Variants in LHX2 observed in about 807,000 individuals in gnomAD.
LHX2 encodes LIM/homeobox protein Lhx2.
A neutral mutation model predicts 33.0 loss-of-function variants in LHX2; 6 were observed. The observed-to-expected ratio is 0.18, with a 90% CI of 0.10 to 0.36. The LOEUF is 0.36. Among genes scored for constraint, LHX2 ranks in the 10% least tolerant of loss-of-function variants. The pLI, the probability that LHX2 is intolerant of heterozygous loss-of-function variation, is 1.00. For synonymous variants in LHX2, 292 were observed against 253.1 expected, an observed-to-expected ratio of 1.15 and a Z score of -1.46; for missense variants, 442 against 586.2, an observed-to-expected ratio of 0.75 and a Z score of 2.54.
intron 4 of LHX2, among the ~76,000 whole-genome samples, chr9:124,026,278 G>A (rs1357961375): frequency 2.0e-5 from 3 of 152,036 alleles, no homozygotes; most frequent in African/African-American, 7.2e-5. Context: ...CACCAACATG[G>A]TGAAACCCGT....
intron 4 of LHX2, among the ~76,000 whole-genome samples, chr9:124,029,759 C>G (rs934612601): frequency 7.2e-5 from 11 of 152,232 alleles, no homozygotes; most frequent in Admixed American, 3.9e-4. Context: ...GCACAGAGCA[C>G]AGGCTGCTCA....
chr9:124,014,823 AG>A lies in LHX2; in HGVS notation c.324-294del, dbSNP rs1038932712. On this transcript the variant is annotated intron_variant, in intron 2 of 4. Transcript: ENST00000373615. The surrounding 1 kb of genome is among the most constrained non-coding windows in gnomAD (Gnocchi z 4.8). ...TTGGAGGGAGGAGTAAAGGTTGAGGAGGGGGTAAGTGGTAAGTGTCTCCCTC... is the reference window on the plus strand; with the variant it reads ...TTGGAGGGAGGAGTAAAGGTTGAGGAGGGGTAAGTGGTAAGTGTCTCCCTC... Among the ~76,000 whole-genome samples the A allele has an allele frequency of 2.2e-4, 33 of 152,222 alleles. No individual in the cohort carries two copies. The highest frequency in any genetic ancestry group is 5.2e-4 in the Admixed American group (8 of 15,288).
In LHX2 at chr9:124,032,412, C is replaced by T. The variant is rs372674949; in HGVS notation, c.934-8C>T. On this transcript the variant is annotated splice_polypyrimidine_tract_variant and splice_region_variant and intron_variant, in intron 4 of 4. Transcript: ENST00000373615. This position sits in a 1 kb window ranked among gnomAD's most constrained non-coding sequence, Gnocchi z 4.1. ...CGCTCACCAGCCCTTCCCTGTCGTC[C>T]CCCGCAGGTCTGGTTCCAGAACGCC... 8 of 1,574,248 alleles carry T rather than the reference C, an allele frequency of 5.1e-6. No individual in the cohort carries two copies. Among genetic ancestry groups the T allele is most frequent in the Non-Finnish European group, 6.9e-6 (8 of 1,159,448 alleles).
At position 124,012,377 on chromosome 9, in the gene LHX2, A is replaced by G; in HGVS notation, c.29A>G (p.Glu10Gly). The change falls in exon 1 of 5, where the codon GAG becomes GGG. Residue 10 changes from glutamate (E) to glycine (G), a missense_variant. By Grantham distance (98) the Glu-to-Gly change is moderately conservative (BLOSUM62 -2). This residue lies in a region of LHX2 where 97 missense variants were observed against 81.5 expected (regional missense o/e 1.19). Transcript: ENST00000373615. This position sits in a 1 kb window ranked among gnomAD's most constrained non-coding sequence, Gnocchi z 4.3. ...CTGTTCCACAGTCTGTCGGGCCCCG[A>G]GGTGCACGGGGTCATCGACGAGATG... MLFHSLSGP[E>G]VHGVIDEMDR... 6.6e-7 allele frequency: 1 copy of G among 1,526,468 alleles called. No individual in the cohort carries two copies. The highest frequency in any genetic ancestry group is 2.0e-5 in the Admixed American group (1 of 50,232). 94.6% of individuals were successfully genotyped at this position (1,526,468 alleles called of 1,614,324 possible).
At chr9:124,023,440 A>G (rs376704494) in intron 4 of LHX2, among the ~76,000 whole-genome samples, 1 of 152,194 alleles carries the variant, frequency 6.6e-6, no homozygotes, top group Admixed American at 6.5e-5. Context: ...GGGCAGTTCT[A>G]TGAATTAATG....
chr9:124,015,508 T>A lies in LHX2; in HGVS notation c.710T>A (p.Leu237Gln). 2.0e-6 allele frequency: 3 copies of A among 1,466,974 alleles called. No homozygotes were observed. Among genetic ancestry groups the A allele is most frequent in the Non-Finnish European group, 2.7e-6 (3 of 1,109,050 alleles). The allele number at this position is 1,466,974 out of a possible 1,614,324, so 90.9% of individuals were successfully genotyped here. A position where few individuals can be genotyped will look rare whatever the true frequency, so the allele number is the denominator to read the frequency against. The change falls in exon 3 of 5, where the codon CTG becomes CAG. Residue 237 changes from leucine to glutamine, a missense_variant. Coordinates refer to ENST00000373615, the MANE Select transcript of LHX2 (RefSeq NM_004789.4). This position sits in a 1 kb window ranked among gnomAD's most constrained non-coding sequence, Gnocchi z 7.9. Reference sequence around the variant, plus strand: ...AAGAGCCCGGGCCCCGGTGCGGATCTGGCGGCCTACAACGCTGGTGAGTGC... The same window carrying A: ...AAGAGCCCGGGCCCCGGTGCGGATCAGGCGGCCTACAACGCTGGTGAGTGC... ...KRKSPGPGAD[L>Q]AAYNAALSCN...
At position 124,015,799 on chromosome 9, in the gene LHX2, T is replaced by G. The variant is rs1859179565; in HGVS notation, c.727+274T>G. ...TGGAGATGGCTTTTTGGTTTGGGCCTTTGCCCCACTTTGCTAGGCAGGAAG... is the reference window on the plus strand; with the variant it reads ...TGGAGATGGCTTTTTGGTTTGGGCCGTTGCCCCACTTTGCTAGGCAGGAAG... On this transcript the variant is annotated intron_variant, in intron 3 of 4. Transcript: ENST00000373615. The surrounding 1 kb of genome is among the most constrained non-coding windows in gnomAD (Gnocchi z 7.9). Among the ~76,000 whole-genome samples the G allele has an allele frequency of 6.6e-6, 1 of 152,238 alleles. No individual in the cohort carries two copies. Among genetic ancestry groups the G allele is most frequent in the African/African-American group, 2.4e-5 (1 of 41,472 alleles).
chr9:124,030,914 T>G (rs117112407), intron 4 of LHX2, among the ~76,000 whole-genome samples: 2,543 of 152,238 alleles, frequency 0.017, 43 homozygotes, highest in East Asian at 0.047. Context: ...ATTACGGGCT[T>G]GAGCCACTGT....
chr9:124,023,606 A>G (rs1828554805), intron 4 of LHX2, among the ~76,000 whole-genome samples: 1 of 152,224 alleles, frequency 6.6e-6, no homozygotes, highest in Non-Finnish European at 1.5e-5. Context: ...TCCAGATTAA[A>G]TGAAATGAAG....
intron 3 of LHX2, among the ~76,000 whole-genome samples, chr9:124,018,709 C>G (rs150503842): frequency 2.6e-5 from 4 of 152,352 alleles, no homozygotes; most frequent in African/African-American, 4.8e-5. Context: ...GTAGCTGTCT[C>G]TCTGTGGTTC....
rs755833977 is a variant in LHX2 at position 124,015,074 on chromosome 9, G to C, written c.324-48G>C. 8.8e-6 allele frequency: 14 copies of C among 1,596,858 alleles called. No homozygotes were observed. The East Asian group carries it at 3.1e-4, about 36-fold the overall frequency. ...CGGCACCTGGAGGAGGAAAAGGGGGGTACCCAACCGTGTGTTCCCACAGCC... is the reference window on the plus strand; with the variant it reads ...CGGCACCTGGAGGAGGAAAAGGGGGCTACCCAACCGTGTGTTCCCACAGCC... On this transcript the variant is annotated intron_variant, in intron 2 of 4. Transcript: ENST00000373615. This position sits in a 1 kb window ranked among gnomAD's most constrained non-coding sequence, Gnocchi z 7.9.
At position 124,033,044 on chromosome 9, in the gene LHX2, T is replaced by G. The variant is rs1042825178; in HGVS notation, c.*337T>G. On this transcript the variant is annotated 3_prime_UTR_variant, in exon 5 of 5. Transcript: ENST00000373615. ...AGGAATACTGTTTTATCTCCATACT[T>G]TGGATGACTTGTTCATTTTTCTCTC... 1 of 199,542 alleles carries G rather than the reference T, an allele frequency of 5.0e-6. No homozygotes were observed. The highest frequency in any genetic ancestry group is 1.0e-5 in the Non-Finnish European group (1 of 100,142). The allele number at this position is 199,542 out of a possible 1,614,324, so 12.4% of individuals were successfully genotyped here. A position where few individuals can be genotyped will look rare whatever the true frequency, so the allele number is the denominator to read the frequency against.
At position 124,014,097 on chromosome 9, in the gene LHX2, A is replaced by C; in HGVS notation, c.257A>C (p.Asn86Thr). ...CTCAAGTGCTGCGAGTGCAAGCTCA[A>C]CCTGGAGTCGGAGCTCACCTGTTTC... ...RCLKCCECKL[N>T]LESELTCFSK... Residue 86 changes from asparagine (N) to threonine (T), a missense_variant, in exon 2 of 5, where the codon AAC (asparagine) becomes ACC (threonine). Asn to Thr is a moderately conservative substitution (Grantham distance 65). This residue lies in a region of LHX2 where 72 missense variants were observed against 171.6 expected (regional missense o/e 0.42). Coordinates refer to ENST00000373615, the MANE Select transcript of LHX2 (RefSeq NM_004789.4). This position sits in a 1 kb window ranked among gnomAD's most constrained non-coding sequence, Gnocchi z 4.8. 1 of 1,613,650 alleles carries C rather than the reference A, an allele frequency of 6.2e-7. No homozygotes were observed. The highest frequency in any genetic ancestry group is 8.5e-7 in the Non-Finnish European group (1 of 1,180,016).
In LHX2 at chr9:124,014,160, A is replaced by G; in HGVS notation, c.320A>G (p.Tyr107Cys). 6.2e-7 allele frequency: 1 copy of G among 1,610,518 alleles called. No individual in the cohort carries two copies. The highest frequency in any genetic ancestry group is 8.5e-7 in the Non-Finnish European group (1 of 1,178,588). ...DGSIYCKEDY[Y>C]RRFSVQRCAR... ...AGCATCTACTGCAAGGAAGACTACT[A>G]CAGGTAGCCCCCCCACCCAACTGCC... is the stretch of plus-strand genomic sequence containing the variant. Residue 107 changes from tyrosine to cysteine, a missense_variant, in exon 2 of 5, where the codon TAC becomes TGC. Coordinates refer to ENST00000373615, the MANE Select transcript of LHX2 (RefSeq NM_004789.4). This position sits in a 1 kb window ranked among gnomAD's most constrained non-coding sequence, Gnocchi z 4.8.
chr9:124,018,049 G>T (rs1014027973), intron 3 of LHX2, among the ~76,000 whole-genome samples: 20 of 152,010 alleles, frequency 1.3e-4, no homozygotes, highest in African/African-American at 4.8e-4. Context: ...AGCTTTTTGT[G>T]TGTGTGTGCC....
rs1219760587 is a variant in LHX2, at chr9:124,014,113, C to T, written c.273C>T (p.Leu91=). The T allele has an allele frequency of 1.5e-5, 24 of 1,613,504 alleles. No individual in the cohort carries two copies. The highest frequency in any genetic ancestry group is 1.9e-5 in the Non-Finnish European group (23 of 1,180,034). The change falls in exon 2 of 5, where the codon CTC becomes CTT. Residue 91 remains leucine, a synonymous_variant. Transcript: ENST00000373615. This position sits in a 1 kb window ranked among gnomAD's most constrained non-coding sequence, Gnocchi z 4.8. ...GCAAGCTCAACCTGGAGTCGGAGCT[C>T]ACCTGTTTCAGCAAGGACGGTAGCA... The part of the protein sequence containing the change: ...CECKLNLESE[L]TCFSKDGSIY...
chr9:124,023,990 C>G (rs1327320305), intron 4 of LHX2, among the ~76,000 whole-genome samples: 4 of 152,228 alleles, frequency 2.6e-5, no homozygotes, highest in Admixed American at 2.6e-4. Flanking sequence ...CCCAAATGAT[C>G]TCCACTTGCC....
chr9:124,022,671 G>T (rs1859312895), intron 4 of LHX2, among the ~76,000 whole-genome samples: 1 of 152,242 alleles, frequency 6.6e-6, no homozygotes, highest in African/African-American at 2.4e-5. Context: ...GGAGGGCTGC[G>T]CAGCTGCCCT....
In LHX2 at chr9:124,032,148, G is replaced by A. The variant is rs1345920689; in HGVS notation, c.934-272G>A. The A allele has an allele frequency of 1.0e-5, 4 of 390,228 alleles. No individual in the cohort carries two copies. Among genetic ancestry groups the A allele is most frequent in the African/African-American group, 6.2e-5 (3 of 48,036 alleles). 24.2% of individuals were successfully genotyped at this position (390,228 alleles called of 1,614,324 possible). On this transcript the variant is annotated intron_variant, in intron 4 of 4. Coordinates refer to ENST00000373615, the MANE Select transcript of LHX2 (RefSeq NM_004789.4). The surrounding 1 kb of genome is among the most constrained non-coding windows in gnomAD (Gnocchi z 4.1). ...CCCCAGCTACCCAGGAGGCTGAGGC[G>A]GGAGGATCGCTTGATCCCAGGAGTT...
Sources: allele counts gnomAD v4.1 joint callset (sites outside exome capture counted in the v4.1 genomes callset), GRCh38; gene constraint gnomAD v4.1.1; regional missense constraint gnomAD v4.1.1; non-coding constraint Gnocchi (gnomAD v3.1); transcripts MANE v1.5; gene names NCBI Gene and HGNC (gene_info 2026-07-23, HGNC 2026-07-21).